ZNF142: variants seen among roughly 807,000 people sequenced by gnomAD.
ZNF142 encodes zinc finger protein 142, also known as zinc finger protein 142 (clone pHZ-49).
A neutral mutation model predicts 132.1 loss-of-function variants in ZNF142; 96 were observed. The ratio of observed to expected loss-of-function variants is 0.73; its 90% CI spans 0.62 to 0.86. The LOEUF (loss-of-function observed/expected upper bound fraction) is 0.86. Ranked by LOEUF, ZNF142 falls within the 40% of genes least tolerant of loss-of-function variation. ZNF142 has a pLI of 0.00. For synonymous variants in ZNF142, 842 were observed against 890.1 expected, an observed-to-expected ratio of 0.95 and a Z score of 0.96; for missense variants, 2,163 against 2,336.2, an observed-to-expected ratio of 0.93 and a Z score of 1.53.
rs771070782 is a variant in ZNF142, at chr2:218,634,579, C to T, written c.*3760G>A. 1 of 1,614,070 alleles carries T rather than the reference C, an allele frequency of 6.2e-7. No homozygotes were observed. Among genetic ancestry groups the T allele is most frequent in the East Asian group, 2.2e-5 (1 of 44,884 alleles). On this transcript the variant is annotated 3_prime_UTR_variant, in exon 11 of 11. Transcript: ENST00000411696. This position sits in a 1 kb window ranked among gnomAD's most constrained non-coding sequence, Gnocchi z 4.0. ...TCCTGCGTGATATCCAGAGTTCTTT[C>T]CACCCTGAGAAGCCCATCAGCCCTT... is the stretch of plus-strand genomic sequence containing the variant.
Position 218,637,050 on chromosome 2 carries a change from AT to A in ZNF142, c.*1288del, listed in dbSNP as rs2106178829. 1 of 395,436 alleles carries A rather than the reference AT, an allele frequency of 2.5e-6. No individual in the cohort carries two copies. The highest frequency in any genetic ancestry group is 2.1e-5 in the African/African-American group (1 of 47,970). The allele number at this position is 395,436 out of a possible 1,614,324, so 24.5% of individuals were successfully genotyped here. Reference sequence around the variant, plus strand: ...AAGGCTCAAGGCTTCCCCAGCAAAGATTAGGGAAAGAGACTTGACCCCAGGA... The same window carrying A: ...AAGGCTCAAGGCTTCCCCAGCAAAGATAGGGAAAGAGACTTGACCCCAGGA... On this transcript the variant is annotated 3_prime_UTR_variant, in exon 11 of 11. Transcript: ENST00000411696.
At chr2:218,650,282 C>A in intron 6 of ZNF142, 77 bp downstream of exon 6, 1 of 1,585,340 alleles carries the variant, frequency 6.3e-7, no homozygotes, top group Non-Finnish European at 8.6e-7. Context: ...AAAACAAACC[C>A]CAGAGCCTCA....
rs2106212453 is a variant in ZNF142, at chr2:218,643,330, G to T, written c.3786C>A (p.Pro1262=). ...ACGGGGACACATCAGGCTGGGTCTG[G>T]GGGGTCCCTCGTTTTCCTCCCCCGC... ...GRGGGGKRGT[P]QTQPDVSPLS... The change falls in exon 9 of 11, where the codon CCC becomes CCA. Residue 1262 remains proline (P), a synonymous_variant. Transcript: ENST00000411696. The T allele has an allele frequency of 5.0e-6, 8 of 1,614,176 alleles. No individual in the cohort carries two copies. The highest frequency in any genetic ancestry group is 1.7e-5 in the Admixed American group (1 of 60,032).
At chr2:218,646,045 A>T (rs4674320) in intron 8 of ZNF142, 126 bp downstream of exon 8, 1 of 1,313,312 alleles carries the variant, frequency 7.6e-7, no homozygotes, top group Non-Finnish European at 1.1e-6. Context: ...GAGCCATTGC[A>T]CCCGGCCTTA....
intron 8 of ZNF142, among the ~76,000 whole-genome samples, chr2:218,645,422 T>G (rs1295130075): frequency 6.6e-6 from 1 of 152,128 alleles, no homozygotes; most frequent in Non-Finnish European, 1.5e-5. Context: ...TGGCTACAAC[T>G]CCACAGGGCA....
chr2:218,636,795 G>T lies in ZNF142; in HGVS notation c.*1544C>A, dbSNP rs1216707946. 3.2e-6 allele frequency: 2 copies of T among 623,916 alleles called. No homozygotes were observed. The highest frequency in any genetic ancestry group is 5.8e-6 in the Non-Finnish European group (2 of 343,898). 38.6% of individuals were successfully genotyped at this position (623,916 alleles called of 1,614,324 possible). On this transcript the variant is annotated 3_prime_UTR_variant, in exon 11 of 11. Transcript: ENST00000411696. The stretch of plus-strand genomic sequence containing the variant: ...CTTCCTTTGTTTTCATAAGCCTTTG[G>T]TATCTTTCCTGCCCTTTTCCTTTGT...
intron 4 of ZNF142, among the ~76,000 whole-genome samples, chr2:218,652,795 CTT>C (rs1938131221): frequency 1.3e-5 from 2 of 152,070 alleles, no homozygotes; most frequent in Non-Finnish European, 2.9e-5. Flanking sequence ...ATGGGCAAGA[CTT>C]TGATAAAGAA....
intron 4 of ZNF142, among the ~76,000 whole-genome samples, chr2:218,654,796 A>C (rs1410436656): frequency 2.8e-5 from 4 of 145,280 alleles, no homozygotes; most frequent in Admixed American, 2.1e-4. Flanking sequence ...AAAAAAAAAA[A>C]GGTTTCTGCT....
Position 218,656,282 on chromosome 2 carries a change from C to T in ZNF142, c.148G>A (p.Ala50Thr). Residue 50 changes from alanine to threonine, a missense_variant, in exon 4 of 11, where the codon GCA becomes ACA. This residue lies in a region of ZNF142 where 195 missense variants were observed against 172.4 expected (regional missense o/e 1.13). Transcript: ENST00000411696. ...CAGCCTGGCTCAGTAGGTATAGGTG[C>T]AGGGTCCCGGGAAGGACAGGGGCTC... The part of the protein sequence containing the change: ...VQSPCPSRDP[A>T]PIPTEPGCLL... 1 of 1,613,246 alleles carries T rather than the reference C, an allele frequency of 6.2e-7. No homozygotes were observed. Among genetic ancestry groups the T allele is most frequent in the Non-Finnish European group, 8.5e-7 (1 of 1,179,558 alleles).
At position 218,643,330 on chromosome 2, in the gene ZNF142, G is replaced by A; in HGVS notation, c.3786C>T (p.Pro1262=). The A allele has an allele frequency of 6.2e-7, 1 of 1,614,176 alleles. No homozygotes were observed. The change falls in exon 9 of 11, where the codon CCC becomes CCT. Residue 1262 remains proline, a synonymous_variant. Transcript: ENST00000411696. ...ACGGGGACACATCAGGCTGGGTCTG[G>A]GGGGTCCCTCGTTTTCCTCCCCCGC... is the stretch of plus-strand genomic sequence containing the variant. ...GRGGGGKRGT[P]QTQPDVSPLS...
At position 218,634,109 on chromosome 2, in the gene ZNF142, T is replaced by C. The variant is rs1452041293; in HGVS notation, c.*4230A>G. 3.1e-6 allele frequency: 5 copies of C among 1,608,950 alleles called. No homozygotes were observed. The highest frequency in any genetic ancestry group is 4.2e-6 in the Non-Finnish European group (5 of 1,177,620). On this transcript the variant is annotated 3_prime_UTR_variant, in exon 11 of 11. Coordinates refer to ENST00000411696, the MANE Select transcript of ZNF142 (RefSeq NM_001379659.1). This position sits in a 1 kb window ranked among gnomAD's most constrained non-coding sequence, Gnocchi z 4.0. ...CCTCTCTATACCCTTTTACAGGCAA[T>C]GAGTTTGTGCAGCACAATACTTGGC...
intron 9 of ZNF142, 152 bp downstream of exon 9, chr2:218,641,876 T>A (rs192897845): frequency 9.4e-7 from 1 of 1,063,300 alleles, no homozygotes; most frequent in Non-Finnish European, 1.3e-6. Context: ...TATTATCTCA[T>A]TTTTAACAGA....
rs144238139 is a variant in ZNF142 at position 218,634,887 on chromosome 2, T to G, written c.*3452A>C. 6.6e-6 allele frequency among the ~76,000 whole-genome samples: 1 copy of G among 152,216 alleles called. No homozygotes were observed. The highest frequency in any genetic ancestry group is 1.9e-4 in the East Asian group (1 of 5,180). ...AACACTACCACCTGCCTCACAGGGT[T>G]ATAAGGAGTATAACAGTTAATATAA... On this transcript the variant is annotated 3_prime_UTR_variant, in exon 11 of 11. Transcript: ENST00000411696. The surrounding 1 kb of genome is among the most constrained non-coding windows in gnomAD (Gnocchi z 4.0).
Position 218,633,911 on chromosome 2 carries a change from A to G in ZNF142, c.*4428T>C. On this transcript the variant is annotated 3_prime_UTR_variant, in exon 11 of 11. Coordinates refer to ENST00000411696, the MANE Select transcript of ZNF142 (RefSeq NM_001379659.1). ...TCCTTAGAGCAGACAAGGGCAGAGGAGTTATGAATAGTGGCTCAAGGGTCT... is the reference window on the plus strand; with the variant it reads ...TCCTTAGAGCAGACAAGGGCAGAGGGGTTATGAATAGTGGCTCAAGGGTCT... 3 of 1,183,918 alleles carry G rather than the reference A, an allele frequency of 2.5e-6. No individual in the cohort carries two copies. The highest frequency in any genetic ancestry group is 3.6e-6 in the Non-Finnish European group (3 of 834,442). The allele number at this position is 1,183,918 out of a possible 1,614,324, so 73.3% of individuals were successfully genotyped here.
intron 4 of ZNF142, among the ~76,000 whole-genome samples, chr2:218,653,300 G>A (rs372088983): frequency 1.3e-5 from 2 of 151,364 alleles, no homozygotes; most frequent in South Asian, 2.1e-4. Context: ...ATTTCAGGCC[G>A]GGCCTAGTGG....
intron 10 of ZNF142, 111 bp downstream of exon 10, chr2:218,640,553 A>T: frequency 1.1e-6 from 1 of 907,590 alleles, no homozygotes; most frequent in Non-Finnish European, 1.8e-6. Context: ...GTCTACTCCC[A>T]ATGTGAAATT....
rs1238380773 is a variant in ZNF142 at position 218,642,515 on chromosome 2, C to A, written c.4601G>T (p.Gly1534Val). 8.1e-6 allele frequency: 13 copies of A among 1,607,788 alleles called. No homozygotes were observed. Among genetic ancestry groups the A allele is most frequent in the Non-Finnish European group, 1.1e-5 (13 of 1,176,154 alleles). The change falls in exon 9 of 11, where the codon GGG becomes GTG. Residue 1534 changes from glycine to valine, a missense_variant. This residue lies in a region of ZNF142 where 809 missense variants were observed against 801.7 expected (regional missense o/e 1.01). Transcript: ENST00000411696. This position sits in a 1 kb window ranked among gnomAD's most constrained non-coding sequence, Gnocchi z 4.6. ...TEGPLHCSRC[G>V]LLCPSPASLR... ...GCTGGCAGGGCTGGGGCACAGCAACCCACAGCGGGAACAGTGCAGGGGGCC... is the reference window on the plus strand; with the variant it reads ...GCTGGCAGGGCTGGGGCACAGCAACACACAGCGGGAACAGTGCAGGGGGCC...
rs529528734 is a variant in ZNF142, at chr2:218,633,411, C to T, written c.*4928G>A. ...GTTGTGACGTGCCCGCTGTTTTGTC[C>T]GTCTATCTGTTGTCAGATTGTGGCC... On this transcript the variant is annotated 3_prime_UTR_variant, in exon 11 of 11. Transcript: ENST00000411696. The T allele has an allele frequency of 5.5e-5, 40 of 733,066 alleles. No homozygotes were observed. Among genetic ancestry groups the T allele is most frequent in the Middle Eastern group, 2.3e-4 (1 of 4,432 alleles). The allele number at this position is 733,066 out of a possible 1,614,324, so 45.4% of individuals were successfully genotyped here. A position where few individuals can be genotyped will look rare whatever the true frequency, so the allele number is the denominator to read the frequency against.
rs536568598 is a variant in ZNF142, at chr2:218,641,997, C to T, written c.5088+31G>A. 2.5e-6 allele frequency: 4 copies of T among 1,597,424 alleles called. No individual in the cohort carries two copies. The African/African-American group carries it at 4.0e-5, about 16-fold the overall frequency. On this transcript the variant is annotated intron_variant, in intron 9 of 10. Transcript: ENST00000411696. ...TTTAACTCCAGAGCCTGTGCTCCTTCCACTTCCTGCCCCATATCCTCTGAC... is the reference window on the plus strand; with the variant it reads ...TTTAACTCCAGAGCCTGTGCTCCTTTCACTTCCTGCCCCATATCCTCTGAC...
Sources: gnomAD v4.1 joint callset for allele counts (sites outside exome capture counted in the v4.1 genomes callset) on GRCh38, gnomAD v4.1.1 for gene constraint, gnomAD v4.1.1 regional missense constraint, Gnocchi (gnomAD v3.1) non-coding constraint, MANE v1.5 for transcripts, NCBI Gene and HGNC (gene_info 2026-07-23, HGNC 2026-07-21) for gene names.